CBX5: variants seen among roughly 807,000 people sequenced by gnomAD.
CBX5 encodes chromobox 5, also known as chromobox protein homolog 5.
Under a neutral mutation model 20.7 loss-of-function variants are expected in CBX5, and 7 were observed. The observed-to-expected ratio is 0.34, with a 90% CI of 0.19 to 0.63. The LOEUF (loss-of-function observed/expected upper bound fraction) is 0.63, where lower values mean the gene tolerates loss of function less well. Among genes scored for constraint, CBX5 ranks in the 30% least tolerant of loss-of-function variants. The pLI, the probability that CBX5 is intolerant of heterozygous loss-of-function variation, is 0.75. For missense variants in CBX5, 110 were observed against 224.1 expected (o/e 0.49, Z 3.25); for synonymous variants, 78 against 77.0 (o/e 1.01, Z -0.07).
At chr12:54,252,909 C>T (rs539878608) in intron 2 of CBX5, among the ~76,000 whole-genome samples, 28 of 142,644 alleles carry the variant, frequency 2.0e-4, no homozygotes, top group African/African-American at 6.8e-4. Flanking sequence ...TGCTTGAGCC[C>T]GGGAAGGGGA....
intron 1 of CBX5, chr12:54,259,713 C>CT (rs1943897629): frequency 1.3e-5 from 2 of 152,706 alleles, no homozygotes; most frequent in Admixed American, 1.3e-4. Context: ...AAAGGCTTAA[C>CT]TTTCCTTTTC....
chr12:54,272,234 A>G (rs780694761), intron 1 of CBX5: 13 of 152,216 alleles, frequency 8.5e-5, no homozygotes, highest in Non-Finnish European at 1.6e-4. Context: ...AAAATACTTG[A>G]ATCCAATTTG....
In CBX5 at chr12:54,252,143, C is replaced by T; in HGVS notation, c.222G>A (p.Lys74=). The change falls in exon 3 of 5, where the codon AAG becomes AAA. Residue 74 remains lysine (K), a synonymous_variant. Transcript: ENST00000209875. The stretch of plus-strand genomic sequence containing the variant: ...CCCTGGGTTTATTATTTTCACCCTC[C>T]TTCATCTTCTTATACTTTTTCATAA... ...SEFMKKYKKM[K]EGENNKPREK... The T allele has an allele frequency of 6.2e-7, 1 of 1,610,862 alleles. No homozygotes were observed. The highest frequency in any genetic ancestry group is 8.5e-7 in the Non-Finnish European group (1 of 1,178,894).
rs915754302 is a variant in CBX5, at chr12:54,239,466, C to T, written c.*2289G>A. ...GTCATTTTCTGCAAATCAAGAGACCCATATCACCTCCTCAGGAGCTCTGGC... is the reference window on the plus strand; with the variant it reads ...GTCATTTTCTGCAAATCAAGAGACCTATATCACCTCCTCAGGAGCTCTGGC... On this transcript the variant is annotated 3_prime_UTR_variant, in exon 5 of 5. Coordinates refer to ENST00000209875, the MANE Select transcript of CBX5 (RefSeq NM_012117.3). 1 of 152,300 alleles carries T rather than the reference C, an allele frequency of 6.6e-6. No individual in the cohort carries two copies. Among genetic ancestry groups the T allele is most frequent in the African/African-American group, 2.4e-5 (1 of 41,560 alleles). The allele number at this position is 152,300 out of a possible 1,614,324, so 9.4% of individuals were successfully genotyped here. A position where few individuals can be genotyped will look rare whatever the true frequency, so the allele number is the denominator to read the frequency against.
intron 3 of CBX5, among the ~76,000 whole-genome samples, chr12:54,246,780 C>CA (rs772454046): frequency 0.14 from 6,479 of 45,132 alleles, 258 homozygotes; most frequent in African/African-American, 0.19. Flanking sequence ...GACTCCGTCT[C>CA]AAAAAAAAAA....
Position 54,238,368 on chromosome 12 carries a change from G to A in CBX5, c.*3387C>T, listed in dbSNP as rs2137006561. On this transcript the variant is annotated 3_prime_UTR_variant, in exon 5 of 5. Transcript: ENST00000209875. ...ATACAGTCAGTGGACAAGTAGAAGA[G>A]TCTCCTGAAAAATATCCGTATTTGA... 1 of 152,210 alleles carries A rather than the reference G, an allele frequency of 6.6e-6. No homozygotes were observed. Among genetic ancestry groups the A allele is most frequent in the East Asian group, 1.9e-4 (1 of 5,180 alleles). The allele number at this position is 152,210 out of a possible 1,614,324, so 9.4% of individuals were successfully genotyped here. A position where few individuals can be genotyped will look rare whatever the true frequency, so the allele number is the denominator to read the frequency against.
chr12:54,254,028 G>A (rs1457764924), intron 2 of CBX5, among the ~76,000 whole-genome samples: 1 of 152,102 alleles, frequency 6.6e-6, no homozygotes, highest in Admixed American at 6.6e-5. Flanking sequence ...TGGAATTATG[G>A]ATGTGAGCCA....
chr12:54,279,340 G>C (rs1215935999), intron 1 of CBX5, among the ~76,000 whole-genome samples: 1 of 152,156 alleles, frequency 6.6e-6, no homozygotes, highest in Non-Finnish European at 1.5e-5. Flanking sequence ...ACCTCAAGTG[G>C]TGAGGGGGCG....
Position 54,257,505 on chromosome 12 carries a change from G to A in CBX5, c.137+9C>T, listed in dbSNP as rs1028612466. 1.2e-6 allele frequency: 2 copies of A among 1,614,018 alleles called. No individual in the cohort carries two copies. The highest frequency in any genetic ancestry group is 2.2e-5 in the South Asian group (2 of 91,070). On this transcript the variant is annotated intron_variant, in intron 2 of 4. Transcript: ENST00000209875. ...GAGTCCCAACGCCTGGGGGAAAAAA[G>A]GAACTTACTCAGAAAAGCCTTTCCA...
intron 4 of CBX5, among the ~76,000 whole-genome samples, chr12:54,243,523 T>C (rs1432884027): frequency 6.6e-6 from 1 of 151,948 alleles, no homozygotes; most frequent in Non-Finnish European, 1.5e-5. Context: ...ATTACGCCAC[T>C]GCACTCCAGC....
intron 2 of CBX5, among the ~76,000 whole-genome samples, chr12:54,253,898 T>C (rs1257270620): frequency 6.6e-6 from 1 of 151,476 alleles, no homozygotes; most frequent in African/African-American, 2.4e-5. Flanking sequence ...GTAACTAGGA[T>C]TACAGGCATG....
intron 1 of CBX5, among the ~76,000 whole-genome samples, chr12:54,260,686 G>C (rs971267283): frequency 1.3e-5 from 2 of 152,060 alleles, no homozygotes; most frequent in South Asian, 2.1e-4. Context: ...ACAACTCTCT[G>C]TATCAGTATG....
intron 2 of CBX5, among the ~76,000 whole-genome samples, chr12:54,256,924 C>T (rs984164930): frequency 1.3e-5 from 2 of 152,058 alleles, no homozygotes; most frequent in African/African-American, 2.4e-5. Flanking sequence ...AGTGCAGTGG[C>T]GCAATCTTGG....
rs113184848 is a variant in CBX5, at chr12:54,271,050, C to T, written c.-43+8958G>A. Among the ~76,000 whole-genome samples, 514 of 152,196 alleles carry T rather than the reference C, an allele frequency of 3.4e-3. 4 individuals are homozygous for T. Among genetic ancestry groups the T allele is most frequent in the African/African-American group, 0.012 (480 of 41,530 alleles). On this transcript the variant is annotated intron_variant, in intron 1 of 4. Transcript: ENST00000209875. ...CAGCTTGGGTGACAGAACAAGACCC[C>T]GTTTAAATTTTTTTAAAAAACCTTT...
intron 2 of CBX5, among the ~76,000 whole-genome samples, chr12:54,256,483 T>C (rs1469143629): frequency 6.6e-6 from 1 of 152,242 alleles, no homozygotes; most frequent in African/African-American, 2.4e-5. Context: ...TCTTGACACA[T>C]AGCCTTTATC....
chr12:54,250,337 G>C (rs1297915190), intron 3 of CBX5, among the ~76,000 whole-genome samples: 1 of 152,196 alleles, frequency 6.6e-6, no homozygotes, highest in Non-Finnish European at 1.5e-5. Context: ...CTTGAACCCA[G>C]GAGGTGAGGG....
intron 1 of CBX5, among the ~76,000 whole-genome samples, chr12:54,264,231 T>C (rs549174851): frequency 4.6e-5 from 7 of 152,200 alleles, no homozygotes; most frequent in African/African-American, 9.6e-5. Flanking sequence ...GGACAGTTTA[T>C]TGCAGTCTCA....
At chr12:54,259,771 G>C (rs1857743768) in intron 1 of CBX5, among the ~76,000 whole-genome samples, 1 of 152,242 alleles carries the variant, frequency 6.6e-6, no homozygotes, top group South Asian at 2.1e-4. Context: ...TTGGCCTCAA[G>C]GCTAAGGCAT....
At chr12:54,271,064 T>A (rs1023370300) in intron 1 of CBX5, among the ~76,000 whole-genome samples, 11 of 152,182 alleles carry the variant, frequency 7.2e-5, no homozygotes, top group African/African-American at 2.7e-4. Context: ...TAAATTTTTT[T>A]AAAAAACCTT....
Sources: allele counts gnomAD v4.1 joint callset (sites outside exome capture counted in the v4.1 genomes callset), GRCh38; gene constraint gnomAD v4.1.1; transcripts MANE v1.5; gene names NCBI Gene and HGNC (gene_info 2026-07-23, HGNC 2026-07-21).